The following TNS1 variants were observed in gnomAD, a reference collection of about 807,000 sequenced individuals.
The protein encoded by TNS1 is tensin-1.
TNS1 carries 62 observed loss-of-function variants against 168.6 expected under a neutral mutation model. The observed-to-expected ratio is 0.37, with a 90% CI of 0.30 to 0.45. The LOEUF (loss-of-function observed/expected upper bound fraction) is 0.45. TNS1 is among the 20% of genes least tolerant of loss of function. The pLI is 1.00. For missense variants in TNS1, 2,240 were observed against 2,339.4 expected (o/e 0.96, Z 0.88); for synonymous variants, 934 against 933.2 (o/e 1.00, Z -0.02).
chr2:218,014,921 AAGGCAGGC>A (rs1175728124), upstream of TNS1, among the ~76,000 whole-genome samples: 161 of 76,280 alleles, frequency 2.1e-3, 3 homozygotes, highest in African/African-American at 6.8e-3. Flanking sequence ...GGAAGGAAGG[AAGGCAGGC>A]AGGCAGGCAG....
intron 3 of TNS1, among the ~76,000 whole-genome samples, chr2:217,966,299 GT>G (rs1957629985): frequency 6.7e-6 from 1 of 148,396 alleles, no homozygotes; most frequent in Non-Finnish European, 1.5e-5. Flanking sequence ...GTGTGTGTGT[GT>G]GTGTGTGTGC....
In TNS1 at chr2:218,031,374, CTGTG is replaced by C. The variant is rs575537516; in HGVS notation, c.156+2442_156+2445del. The stretch of plus-strand genomic sequence containing the variant: ...GAGTGTGTGTTGTGTGTGAGCATGT[CTGTG>C]TGTGTATGAATGTCTTGTGTGAGTG... On this transcript the variant is annotated intron_variant, in intron 1 of 1. Transcript: ENST00000649572. Among the ~76,000 whole-genome samples, 7 of 145,650 alleles carry C rather than the reference CTGTG, an allele frequency of 4.8e-5. No individual in the cohort carries two copies. In the East Asian group the frequency reaches 6.2e-4, roughly 13 times the overall value.
At chr2:217,922,191 T>C (rs1483998453) in intron 3 of TNS1, among the ~76,000 whole-genome samples, 1 of 152,152 alleles carries the variant, frequency 6.6e-6, no homozygotes, top group Non-Finnish European at 1.5e-5. Context: ...TCCCCAGAGC[T>C]GGCTGTGGCC....
intron 1 of TNS1, among the ~76,000 whole-genome samples, chr2:218,023,805 T>A (rs1478488006): frequency 6.6e-6 from 1 of 152,184 alleles, no homozygotes; most frequent in East Asian, 1.9e-4. Flanking sequence ...CTCCTTGTTT[T>A]GTTGCCGTGA....
At chr2:218,004,144 A>G (rs931259012), upstream of TNS1, among the ~76,000 whole-genome samples, 3 of 152,120 alleles carry the variant, frequency 2.0e-5, no homozygotes, top group South Asian at 2.1e-4. Flanking sequence ...TGTCCAGGAG[A>G]AGGAGGGAGG....
upstream of TNS1, among the ~76,000 whole-genome samples, chr2:218,003,978 T>G (rs1958621699): frequency 6.6e-6 from 1 of 152,000 alleles, no homozygotes; most frequent in Admixed American, 6.6e-5. Context: ...CACGGAGCAC[T>G]AAGGGGGAAT....
intron 22 of TNS1, among the ~76,000 whole-genome samples, chr2:217,831,095 G>A (rs917403494): frequency 1.3e-5 from 2 of 152,190 alleles, no homozygotes; most frequent in African/African-American, 2.4e-5. Flanking sequence ...GTGTACATGT[G>A]TGTGTACCCA....
chr2:217,966,116 C>T (rs1477300679), intron 3 of TNS1, among the ~76,000 whole-genome samples: 1 of 152,140 alleles, frequency 6.6e-6, no homozygotes, highest in African/African-American at 2.4e-5. Context: ...ATGCAGCAAA[C>T]CCTTGTGTGA....
Position 217,836,225 on chromosome 2 carries a change from A to AG in TNS1, c.3008-15dup. ...GAGCCTGTACCCCTGGGAGGAAAGC[A>AG]GGGTGTAGAGGACAATGAGCATTTT... On this transcript the variant is annotated splice_polypyrimidine_tract_variant and intron_variant, in intron 19 of 32. Coordinates refer to ENST00000682258, the MANE Select transcript of TNS1 (RefSeq NM_001387777.1). The AG allele has an allele frequency of 6.3e-7, 1 of 1,597,338 alleles. No individual in the cohort carries two copies. Among genetic ancestry groups the AG allele is most frequent in the Non-Finnish European group, 8.6e-7 (1 of 1,169,252 alleles).
intron 19 of TNS1, among the ~76,000 whole-genome samples, chr2:217,837,891 C>A (rs1400685266): frequency 6.6e-6 from 1 of 152,216 alleles, no homozygotes; most frequent in African/African-American, 2.4e-5. Context: ...TTGCTGCAAC[C>A]CTGCAGCAAC....
chr2:217,890,799 G>C (rs1951668129), intron 12 of TNS1, 163 bp downstream of exon 12: 1 of 692,012 alleles, frequency 1.4e-6, no homozygotes, highest in East Asian at 2.7e-5. Context: ...GGGCTCTCCT[G>C]TGTGCCTGAG....
At chr2:218,028,421 G>A (rs1253604139) in intron 1 of TNS1, among the ~76,000 whole-genome samples, 1 of 152,204 alleles carries the variant, frequency 6.6e-6, no homozygotes, top group Non-Finnish European at 1.5e-5. Flanking sequence ...TCTCCTGTCT[G>A]TGGGGTCTCT....
intron 18 of TNS1, among the ~76,000 whole-genome samples, chr2:217,858,864 G>C (rs970813596): frequency 1.4e-4 from 22 of 152,030 alleles, no homozygotes; most frequent in Admixed American, 3.9e-4. Flanking sequence ...TGCCGTTCTT[G>C]AATGACATCA....
At chr2:217,832,030 A>T (rs1030816542) in intron 21 of TNS1, among the ~76,000 whole-genome samples, 1 of 152,098 alleles carries the variant, frequency 6.6e-6, no homozygotes, top group Admixed American at 6.5e-5. Flanking sequence ...AACAGAAGAA[A>T]ATTGGGCCTC....
intron 3 of TNS1, among the ~76,000 whole-genome samples, chr2:217,960,616 A>G (rs1484778755): frequency 1.3e-5 from 2 of 152,034 alleles, no homozygotes; most frequent in African/African-American, 4.8e-5. Flanking sequence ...CTTCTGATCC[A>G]CACCTCCAGA....
chr2:217,808,383 T>A (rs1440091276), intron 31 of TNS1, among the ~76,000 whole-genome samples: 4 of 151,690 alleles, frequency 2.6e-5, no homozygotes, highest in Non-Finnish European at 5.9e-5. Context: ...GCAGAGGGGG[T>A]AGCAGTGGGC....
chr2:217,964,156 C>G (rs1358500068), intron 3 of TNS1, among the ~76,000 whole-genome samples: 1 of 152,198 alleles, frequency 6.6e-6, no homozygotes, highest in Non-Finnish European at 1.5e-5. Flanking sequence ...TCCACCCAAC[C>G]CAACTGCAGC....
chr2:217,904,224 A>G (rs1325129112), intron 6 of TNS1, among the ~76,000 whole-genome samples: 3 of 152,194 alleles, frequency 2.0e-5, no homozygotes, highest in African/African-American at 7.2e-5. Flanking sequence ...ACAAAGTGCG[A>G]CACAGCACAC....
chr2:217,823,037 A>T (rs1440984325), intron 22 of TNS1, among the ~76,000 whole-genome samples: 7 of 152,202 alleles, frequency 4.6e-5, no homozygotes, highest in Non-Finnish European at 1.0e-4. Context: ...CTGAAGAACC[A>T]GAGTCTGTGC....
Sources: gnomAD v4.1 joint callset for allele counts (sites outside exome capture counted in the v4.1 genomes callset) on GRCh38, gnomAD v4.1.1 for gene constraint, MANE v1.5 for transcripts, NCBI Gene and HGNC (gene_info 2026-07-23, HGNC 2026-07-21) for gene names.